HTR1E: variants seen among roughly 807,000 people sequenced by gnomAD.
HTR1E encodes 5-HT-1E.
In HTR1E, 3 loss-of-function variants were observed where a neutral mutation model predicts 3.4. That is an observed-to-expected ratio of 0.89 (90% confidence interval 0.41 to 2.31). The LOEUF (loss-of-function observed/expected upper bound fraction) is 2.31, where lower values mean the gene tolerates loss of function less well. HTR1E is among the 30% of genes most tolerant of loss of function. The pLI is 0.05. For missense variants in HTR1E, 392 were observed against 467.0 expected, an observed-to-expected ratio of 0.84 and a Z score of 1.48; for synonymous variants, 170 against 182.8, an observed-to-expected ratio of 0.93 and a Z score of 0.56.
intron 1 of HTR1E, among the ~76,000 whole-genome samples, chr6:86,942,936 G>A (rs1486699491): frequency 6.6e-6 from 1 of 152,154 alleles, no homozygotes; most frequent in Non-Finnish European, 1.5e-5. Flanking sequence ...TTTCAGCTTG[G>A]TGACAGAGGC....
intron 1 of HTR1E, among the ~76,000 whole-genome samples, chr6:86,968,329 C>A (rs1464499444): frequency 1.3e-5 from 2 of 152,142 alleles, no homozygotes; most frequent in African/African-American, 4.8e-5. Flanking sequence ...AAGATAATTT[C>A]CTATAAGTGG....
chr6:86,970,499 C>A, intron 1 of HTR1E: 1 of 169,788 alleles, frequency 5.9e-6, no homozygotes, highest in South Asian at 1.5e-4. Context: ...GCCAAAAACC[C>A]TCAAGAAAAA....
chr6:87,004,463 T>C (rs536989769), intron 1 of HTR1E, among the ~76,000 whole-genome samples: 1 of 152,266 alleles, frequency 6.6e-6, no homozygotes, highest in African/African-American at 2.4e-5. Context: ...ATGAATAGGG[T>C]ACATTATGTC....
intron 1 of HTR1E, among the ~76,000 whole-genome samples, chr6:86,999,672 T>C (rs1767991253): frequency 6.6e-6 from 1 of 152,230 alleles, no homozygotes; most frequent in Admixed American, 6.5e-5. Flanking sequence ...CCCAAAAGAT[T>C]TGGAACCTAA....
At chr6:86,991,807 A>G (rs1767872692) in intron 1 of HTR1E, among the ~76,000 whole-genome samples, 1 of 152,166 alleles carries the variant, frequency 6.6e-6, no homozygotes, top group Non-Finnish European at 1.5e-5. Flanking sequence ...GCTGTCCAAT[A>G]ATGATTATGT....
chr6:86,999,828 G>A (rs946172413), intron 1 of HTR1E, among the ~76,000 whole-genome samples: 5 of 152,176 alleles, frequency 3.3e-5, no homozygotes, highest in Non-Finnish European at 7.3e-5. Flanking sequence ...TAATAGCTGT[G>A]CTTGGCTAGA....
At chr6:86,970,524 C>T in intron 1 of HTR1E, 1 of 178,340 alleles carries the variant, frequency 5.6e-6, no homozygotes, top group Admixed American at 5.2e-5. Flanking sequence ...AGAAGTTTTG[C>T]AGAGCTGAAG....
chr6:86,949,350 T>C (rs1489434967), intron 1 of HTR1E, among the ~76,000 whole-genome samples: 1 of 152,178 alleles, frequency 6.6e-6, no homozygotes, highest in African/African-American at 2.4e-5. Context: ...ACTACGTAAG[T>C]GTGTCCCTGC....
At chr6:86,956,137 A>C (rs1436404725) in intron 1 of HTR1E, among the ~76,000 whole-genome samples, 3 of 152,226 alleles carry the variant, frequency 2.0e-5, no homozygotes, top group Non-Finnish European at 1.5e-5. Flanking sequence ...AAAGAAATAG[A>C]AAGTATTTTA....
intron 1 of HTR1E, among the ~76,000 whole-genome samples, chr6:86,978,813 G>T (rs1488215224): frequency 1.3e-5 from 2 of 152,212 alleles, no homozygotes; most frequent in Non-Finnish European, 2.9e-5. Flanking sequence ...TCCCATGCAG[G>T]TTTCTTCTGC....
At chr6:86,969,036 A>G (rs192741192) in intron 1 of HTR1E, among the ~76,000 whole-genome samples, 147 of 152,280 alleles carry the variant, frequency 9.7e-4, no homozygotes, top group Middle Eastern at 3.4e-3. Flanking sequence ...GAATAATTCA[A>G]CTTTCTTCCA....
intron 1 of HTR1E, among the ~76,000 whole-genome samples, chr6:87,014,704 A>G (rs887835380): frequency 6.6e-6 from 1 of 152,026 alleles, no homozygotes; most frequent in Non-Finnish European, 1.5e-5. Context: ...TAACACAGGA[A>G]CAGAAAACCA....
intron 1 of HTR1E, among the ~76,000 whole-genome samples, chr6:86,972,857 A>G (rs1454995201): frequency 6.6e-6 from 1 of 152,160 alleles, no homozygotes; most frequent in Non-Finnish European, 1.5e-5. Flanking sequence ...AATCATAATG[A>G]GTTTCTGTAA....
chr6:86,994,520 C>T (rs1767910037), intron 1 of HTR1E, among the ~76,000 whole-genome samples: 8 of 151,936 alleles, frequency 5.3e-5, no homozygotes, highest in Admixed American at 5.2e-4. Context: ...CAGAATTCTA[C>T]ATGCAAAGAA....
intron 1 of HTR1E, among the ~76,000 whole-genome samples, chr6:86,979,925 C>T (rs561716045): frequency 2.9e-4 from 44 of 152,122 alleles, no homozygotes; most frequent in East Asian, 1.2e-3. Context: ...GTTACAGAAA[C>T]GGTCCACCTG....
chr6:86,982,370 C>T (rs895687297), intron 1 of HTR1E, among the ~76,000 whole-genome samples: 1 of 152,152 alleles, frequency 6.6e-6, no homozygotes, highest in African/African-American at 2.4e-5. Flanking sequence ...AACCCACTCT[C>T]CTTTTGTCTT....
intron 1 of HTR1E, among the ~76,000 whole-genome samples, chr6:87,008,927 A>T (rs1313362203): frequency 6.6e-6 from 1 of 152,114 alleles, no homozygotes; most frequent in Non-Finnish European, 1.5e-5. Flanking sequence ...CACTCTCCTT[A>T]TGTTTAAGCT....
chr6:86,941,230 T>G (rs1474567939), intron 1 of HTR1E, among the ~76,000 whole-genome samples: 2 of 152,226 alleles, frequency 1.3e-5, no homozygotes, highest in Non-Finnish European at 2.9e-5. Context: ...TTCCCACATT[T>G]TGTGGATTAA....
intron 1 of HTR1E, among the ~76,000 whole-genome samples, chr6:86,994,734 CTT>C (rs1218347955): frequency 9.9e-5 from 15 of 152,050 alleles, no homozygotes; most frequent in Middle Eastern, 3.4e-3. Context: ...TCATTTTCCT[CTT>C]GTTTTCTAAA....
Sources: gnomAD v4.1 joint callset for allele counts (sites outside exome capture counted in the v4.1 genomes callset) on GRCh38, gnomAD v4.1.1 for gene constraint, MANE v1.5 for transcripts, NCBI Gene and HGNC (gene_info 2026-07-23, HGNC 2026-07-21) for gene names.